The following BCAR3 variants were observed in gnomAD, a reference collection of about 807,000 sequenced individuals.
BCAR3 encodes breast cancer anti-estrogen resistance protein 3.
Under a neutral mutation model 80.1 loss-of-function variants are expected in BCAR3, and 37 were observed. That is an observed-to-expected ratio of 0.46 (90% CI 0.36 to 0.61). BCAR3 has a LOEUF of 0.61. BCAR3 is among the 20% of genes least tolerant of loss of function. The pLI is 0.00. For missense variants in BCAR3, 978 were observed against 1,068.2 expected, an observed-to-expected ratio of 0.92 and a Z score of 1.18; for synonymous variants, 389 against 418.9, an observed-to-expected ratio of 0.93 and a Z score of 0.87.
chr1:93,769,215 T>C (rs1458252729), intron 2 of BCAR3, among the ~76,000 whole-genome samples: 2 of 152,166 alleles, frequency 1.3e-5, no homozygotes, highest in African/African-American at 4.8e-5. Context: ...GGCAGAGCAA[T>C]GGGAATTTCT....
intron 2 of BCAR3, among the ~76,000 whole-genome samples, chr1:93,707,746 C>T (rs1006401675): frequency 2.6e-5 from 4 of 152,110 alleles, no homozygotes; most frequent in Admixed American, 6.6e-5. Context: ...TGACGGTCCC[C>T]AAGCCTGGAT....
intron 2 of BCAR3, among the ~76,000 whole-genome samples, chr1:93,661,564 T>A (rs1647661045): frequency 6.6e-6 from 1 of 151,148 alleles, no homozygotes; most frequent in African/African-American, 2.4e-5. Context: ...CTCCGCTCAC[T>A]GCAACCTCTG....
intron 2 of BCAR3, among the ~76,000 whole-genome samples, chr1:93,713,613 A>G (rs1319072212): frequency 1.3e-5 from 2 of 152,162 alleles, no homozygotes; most frequent in Non-Finnish European, 2.9e-5. Flanking sequence ...AGTAAAAATG[A>G]CCTTTGGCCT....
At chr1:93,712,155 T>C (rs1177034644) in intron 2 of BCAR3, among the ~76,000 whole-genome samples, 2 of 152,252 alleles carry the variant, frequency 1.3e-5, no homozygotes, top group Non-Finnish European at 2.9e-5. Context: ...GCTGAACATG[T>C]AGCAGGCACT....
intron 3 of BCAR3, among the ~76,000 whole-genome samples, chr1:93,632,083 G>A (rs1675638827): frequency 6.6e-6 from 1 of 152,230 alleles, no homozygotes; most frequent in Non-Finnish European, 1.5e-5. Flanking sequence ...ATGCTGCTCA[G>A]AGCTGACAGG....
intron 3 of BCAR3, chr1:93,614,106 T>C: frequency 7.1e-7 from 1 of 1,414,396 alleles, no homozygotes; most frequent in Non-Finnish European, 9.2e-7. Context: ...CTGGGACTTT[T>C]CCCCTCTGCT....
At chr1:93,696,115 A>G (rs894929748) in intron 3 of BCAR3, among the ~76,000 whole-genome samples, 3 of 151,126 alleles carry the variant, frequency 2.0e-5, no homozygotes, top group African/African-American at 7.3e-5. Flanking sequence ...ATCAAAGCTC[A>G]TTGTAGCCTT....
rs372482795 is a variant in BCAR3 at position 93,718,810 on chromosome 1, T to C, written c.-62-12668A>G. On this transcript the variant is annotated intron_variant, in intron 2 of 13. Transcript: ENST00000370244. ...TCCCAGGCTCAAGCAATCCTCCCAT[T>C]TCAGCCTCCCATGTAGCTGGGACTA... Among the ~76,000 whole-genome samples the C allele has an allele frequency of 1.5e-3, 219 of 149,688 alleles. 1 individual carries two copies. The highest frequency in any genetic ancestry group is 5.1e-3 in the African/African-American group (210 of 40,804).
intron 2 of BCAR3, among the ~76,000 whole-genome samples, chr1:93,818,316 C>T (rs1228093648): frequency 6.6e-6 from 1 of 152,164 alleles, no homozygotes; most frequent in Non-Finnish European, 1.5e-5. Context: ...AGCACAAGTG[C>T]CACACAGCTG....
At chr1:93,841,204 C>T (rs570494880) in intron 2 of BCAR3, among the ~76,000 whole-genome samples, 1 of 152,346 alleles carries the variant, frequency 6.6e-6, no homozygotes, top group Admixed American at 6.5e-5. Context: ...GCCCCACTGA[C>T]TTTCTCAGCT....
In BCAR3 at chr1:93,681,726, G is replaced by C. The variant is rs1343504701; in HGVS notation, c.-140C>G. 1 of 151,560 alleles carries C rather than the reference G, an allele frequency of 6.6e-6. No individual in the cohort carries two copies. Among genetic ancestry groups the C allele is most frequent in the Admixed American group, 6.6e-5 (1 of 15,232 alleles). The allele number at this position is 151,560 out of a possible 1,614,324, so 9.4% of individuals were successfully genotyped here. A position where few individuals can be genotyped will look rare whatever the true frequency, so the allele number is the denominator to read the frequency against. On this transcript the variant is annotated 5_prime_UTR_variant, in exon 1 of 12. Transcript: ENST00000260502. ...GCTCCCGGAGCTGGGGACGCTCATG[G>C]TCCGCGGGGCGTGCCCGCCGAGAAT...
chr1:93,661,662 T>G lies in BCAR3; in HGVS notation c.317+12952A>C, dbSNP rs1012192076. Among the ~76,000 whole-genome samples, 4 of 151,974 alleles carry G rather than the reference T, an allele frequency of 2.6e-5. No individual in the cohort carries two copies. The East Asian group carries it at 7.7e-4, about 29-fold the overall frequency. ...ATCACCACACCCGGCTAAATTTTTT[T>G]GTATTTAATAGAGACGGGGTTTCAC... On this transcript the variant is annotated intron_variant, in intron 2 of 11. Transcript: ENST00000260502.
rs75970971 is a variant in BCAR3, at chr1:93,631,694, C to G, written c.357+10610G>C. 1.3e-4 allele frequency among the ~76,000 whole-genome samples: 20 copies of G among 152,308 alleles called. No individual in the cohort carries two copies. In the East Asian group the frequency reaches 3.9e-3, roughly 29 times the overall value. On this transcript the variant is annotated intron_variant, in intron 3 of 11. Coordinates refer to ENST00000260502, the MANE Select transcript of BCAR3 (RefSeq NM_003567.4). ...TCGGGATCTCAGAAGAATCCTTCCTCGAGTTAGGGAGGATGGTGCCTCAGC... is the reference window on the plus strand; with the variant it reads ...TCGGGATCTCAGAAGAATCCTTCCTGGAGTTAGGGAGGATGGTGCCTCAGC...
chr1:93,734,343 C>T (rs535818882), intron 2 of BCAR3, among the ~76,000 whole-genome samples: 39 of 152,272 alleles, frequency 2.6e-4, no homozygotes, highest in African/African-American at 9.4e-4. Flanking sequence ...AAACATTGCT[C>T]TATGACTTCA....
intron 2 of BCAR3, among the ~76,000 whole-genome samples, chr1:93,647,809 G>C (rs1383389352): frequency 2.0e-5 from 3 of 150,914 alleles, no homozygotes; most frequent in Non-Finnish European, 3.0e-5. Context: ...TCTTGCTCTT[G>C]TCGCCCAGGC....
chr1:93,740,247 C>T (rs1651130792), intron 2 of BCAR3, among the ~76,000 whole-genome samples: 1 of 152,182 alleles, frequency 6.6e-6, no homozygotes, highest in Non-Finnish European at 1.5e-5. Flanking sequence ...GCATCCAGGC[C>T]TAGGAAACTC....
chr1:93,624,462 C>G (rs947446291), intron 3 of BCAR3, among the ~76,000 whole-genome samples: 1 of 152,246 alleles, frequency 6.6e-6, no homozygotes, highest in Non-Finnish European at 1.5e-5. Flanking sequence ...AGCCCCTGCT[C>G]TCAGTCTGTG....
intron 2 of BCAR3, among the ~76,000 whole-genome samples, chr1:93,837,989 AG>A (rs1486879016): frequency 6.6e-6 from 1 of 152,228 alleles, no homozygotes; most frequent in Non-Finnish European, 1.5e-5. Context: ...CAGTATCTAC[AG>A]GGTCTTTCCA....
At chr1:93,570,001 T>TA (rs1285007143) in intron 9 of BCAR3, among the ~76,000 whole-genome samples, 27 of 152,300 alleles carry the variant, frequency 1.8e-4, no homozygotes. Flanking sequence ...GAAAAAATGA[T>TA]AACCCGTTAT....
Sources: allele counts gnomAD v4.1 joint callset (sites outside exome capture counted in the v4.1 genomes callset), GRCh38; gene constraint gnomAD v4.1.1; transcripts MANE v1.5; gene names NCBI Gene and HGNC (gene_info 2026-07-23, HGNC 2026-07-21).